Variants in KCNQ1OT1 observed in about 807,000 individuals in gnomAD.
KCNQ1OT1 encodes KCNQ1 opposite strand/antisense transcript 1.
chr11:2,675,662 C>CA (rs1282295055), exon 1 of KCNQ1OT1: 2 of 398,564 alleles, frequency 5.0e-6, no homozygotes, highest in Non-Finnish European at 8.8e-6. Context: ...GGAGCCCGCC[C>CA]AGGGCCTGCC....
exon 1 of KCNQ1OT1, chr11:2,646,135 G>T (rs975623106): frequency 6.8e-5 from 27 of 398,450 alleles, no homozygotes; most frequent in African/African-American, 5.6e-4. Flanking sequence ...TTACTTCTCA[G>T]TTGAATTCCA....
exon 1 of KCNQ1OT1, chr11:2,649,754 T>G (rs920390686): frequency 1.0e-5 from 4 of 398,500 alleles, no homozygotes; most frequent in African/African-American, 2.1e-5. Flanking sequence ...GACAGTTTGA[T>G]GAAAATGTGC....
chr11:2,662,660 ATG>A (rs901268516), exon 1 of KCNQ1OT1: 3 of 406,272 alleles, frequency 7.4e-6, no homozygotes, highest in Non-Finnish European at 1.3e-5. Flanking sequence ...CCCCTGCGAC[ATG>A]TGACTCCCCG....
At position 2,627,497 on chromosome 11, in the gene KCNQ1OT1, G is replaced by C; in HGVS notation, n.72498C>G. The C allele has an allele frequency of 2.5e-6, 1 of 398,406 alleles. No homozygotes were observed. Among genetic ancestry groups the C allele is most frequent in the Non-Finnish European group, 4.4e-6 (1 of 226,038 alleles). 24.7% of individuals were successfully genotyped at this position (398,406 alleles called of 1,614,324 possible). A position where few individuals can be genotyped will look rare whatever the true frequency, so the allele number is the denominator to read the frequency against. On this transcript the variant is annotated non_coding_transcript_exon_variant, in exon 1 of 1. Coordinates refer to ENST00000597346, the Ensembl canonical transcript of KCNQ1OT1. This position sits in a 1 kb window ranked among gnomAD's most constrained non-coding sequence, Gnocchi z 4.9. The stretch of plus-strand genomic sequence containing the variant: ...CCTAGTAACCACCCTTCTACTCTCC[G>C]TTTCTCTGAGTTCAAGCTTTTTAGA...
At position 2,674,419 on chromosome 11, in the gene KCNQ1OT1, G is replaced by GCA; in HGVS notation, n.25574_25575dup. Reference sequence around the variant, plus strand: ...TGCGTGTGTGTGTGCGCGCCCGCGCGCACACGACCACAGAGGCTGGGGGGA... The same window carrying GCA: ...TGCGTGTGTGTGTGCGCGCCCGCGCGCACACACGACCACAGAGGCTGGGGGGA... On this transcript the variant is annotated non_coding_transcript_exon_variant, in exon 1 of 1. Coordinates refer to ENST00000597346, the Ensembl canonical transcript of KCNQ1OT1. This position sits in a 1 kb window ranked among gnomAD's most constrained non-coding sequence, Gnocchi z 5.9. 1.3e-5 allele frequency: 2 copies of GCA among 159,984 alleles called. No homozygotes were observed. Among genetic ancestry groups the GCA allele is most frequent in the Non-Finnish European group, 2.7e-5 (2 of 75,312 alleles). 9.9% of individuals were successfully genotyped at this position (159,984 alleles called of 1,614,324 possible).
At position 2,678,340 on chromosome 11, in the gene KCNQ1OT1, T is replaced by C; in HGVS notation, n.21655A>G. The C allele has an allele frequency of 2.5e-6, 1 of 398,600 alleles. No homozygotes were observed. Among genetic ancestry groups the C allele is most frequent in the South Asian group, 1.3e-4 (1 of 7,866 alleles). 24.7% of individuals were successfully genotyped at this position (398,600 alleles called of 1,614,324 possible). ...TATTTCATTTTTTACATTTAAATCC[T>C]TGCTTTATCGGGATTTTGACAGAGT... On this transcript the variant is annotated non_coding_transcript_exon_variant, in exon 1 of 1. Transcript: ENST00000597346. The surrounding 1 kb of genome is among the most constrained non-coding windows in gnomAD (Gnocchi z 4.9).
In KCNQ1OT1 at chr11:2,679,321, C is replaced by G. The variant is rs1850347087; in HGVS notation, n.20674G>C. ...CTAATAACAGGGTCTGGAGTCTGAA[C>G]TCATATCCTAATTCCACTACTTTCT... On this transcript the variant is annotated non_coding_transcript_exon_variant, in exon 1 of 1. Coordinates refer to ENST00000597346, the Ensembl canonical transcript of KCNQ1OT1. This position sits in a 1 kb window ranked among gnomAD's most constrained non-coding sequence, Gnocchi z 4.8. 2 of 398,528 alleles carry G rather than the reference C, an allele frequency of 5.0e-6. No homozygotes were observed. Among genetic ancestry groups the G allele is most frequent in the Admixed American group, 8.8e-5 (2 of 22,708 alleles). The allele number at this position is 398,528 out of a possible 1,614,324, so 24.7% of individuals were successfully genotyped here. A position where few individuals can be genotyped will look rare whatever the true frequency, so the allele number is the denominator to read the frequency against.
chr11:2,670,118 C>T lies in KCNQ1OT1; in HGVS notation n.29877G>A, dbSNP rs1850154205. 5.0e-6 allele frequency: 2 copies of T among 398,694 alleles called. No homozygotes were observed. Among genetic ancestry groups the T allele is most frequent in the Admixed American group, 4.4e-5 (1 of 22,744 alleles). 24.7% of individuals were successfully genotyped at this position (398,694 alleles called of 1,614,324 possible). A position where few individuals can be genotyped will look rare whatever the true frequency, so the allele number is the denominator to read the frequency against. On this transcript the variant is annotated non_coding_transcript_exon_variant, in exon 1 of 1. Coordinates refer to ENST00000597346, the Ensembl canonical transcript of KCNQ1OT1. The surrounding 1 kb of genome is among the most constrained non-coding windows in gnomAD (Gnocchi z 4.9). ...TGTGTCTCATGGCAGTCACAGGTGC[C>T]CCAGTATGCATCTGTCATTTGTTCT...
Position 2,676,134 on chromosome 11 carries a change from T to C in KCNQ1OT1, n.23861A>G, listed in dbSNP as rs568595146. 4 of 398,662 alleles carry C rather than the reference T, an allele frequency of 1.0e-5. No individual in the cohort carries two copies. Among genetic ancestry groups the C allele is most frequent in the Non-Finnish European group, 1.8e-5 (4 of 226,060 alleles). The allele number at this position is 398,662 out of a possible 1,614,324, so 24.7% of individuals were successfully genotyped here. On this transcript the variant is annotated non_coding_transcript_exon_variant, in exon 1 of 1. Coordinates refer to ENST00000597346, the Ensembl canonical transcript of KCNQ1OT1. The surrounding 1 kb of genome is among the most constrained non-coding windows in gnomAD (Gnocchi z 4.2). Reference sequence around the variant, plus strand: ...TAGATACGGCTCCTTTTTATACAAATGGTAGCATACTGTATGTATTTTTCT... The same window carrying C: ...TAGATACGGCTCCTTTTTATACAAACGGTAGCATACTGTATGTATTTTTCT...
exon 1 of KCNQ1OT1, chr11:2,655,115 C>T (rs1315243485): frequency 1.3e-5 from 5 of 398,496 alleles, no homozygotes; most frequent in East Asian, 3.6e-5. Context: ...ATCCCCCTAT[C>T]GAGCAGGACC....
rs1269218202 is a variant in KCNQ1OT1 at position 2,663,451 on chromosome 11, G to T, written n.36544C>A. 2 of 398,672 alleles carry T rather than the reference G, an allele frequency of 5.0e-6. No individual in the cohort carries two copies. The highest frequency in any genetic ancestry group is 8.8e-6 in the Non-Finnish European group (2 of 226,196). 24.7% of individuals were successfully genotyped at this position (398,672 alleles called of 1,614,324 possible). On this transcript the variant is annotated non_coding_transcript_exon_variant, in exon 1 of 1. Transcript: ENST00000597346. The surrounding 1 kb of genome is among the most constrained non-coding windows in gnomAD (Gnocchi z 5.2). The stretch of plus-strand genomic sequence containing the variant: ...GTCCTGGATATGATGGACCTCCAAA[G>T]TGATCAGTGTTAGTTTAGTGGCTCA...
chr11:2,699,865 C>T (rs1034146134), exon 1 of KCNQ1OT1: 1 of 397,430 alleles, frequency 2.5e-6, no homozygotes, highest in Non-Finnish European at 4.4e-6. Context: ...CCGGGAGAAT[C>T]GTGCTGAGGA....
rs1273195813 is a variant in KCNQ1OT1, at chr11:2,612,860, T to C, written n.87135A>G. 7.5e-6 allele frequency: 3 copies of C among 398,632 alleles called. No homozygotes were observed. The highest frequency in any genetic ancestry group is 1.3e-5 in the Non-Finnish European group (3 of 226,062). The allele number at this position is 398,632 out of a possible 1,614,324, so 24.7% of individuals were successfully genotyped here. A position where few individuals can be genotyped will look rare whatever the true frequency, so the allele number is the denominator to read the frequency against. Reference sequence around the variant, plus strand: ...AATATATCGTAGAAACTCTGGATTCTAGTTCTTCTCCCTAACCAGGGATGA... The same window carrying C: ...AATATATCGTAGAAACTCTGGATTCCAGTTCTTCTCCCTAACCAGGGATGA... On this transcript the variant is annotated non_coding_transcript_exon_variant, in exon 1 of 1. Coordinates refer to ENST00000597346, the Ensembl canonical transcript of KCNQ1OT1. This position sits in a 1 kb window ranked among gnomAD's most constrained non-coding sequence, Gnocchi z 5.5.
chr11:2,635,959 T>C, exon 1 of KCNQ1OT1: 1 of 152,156 alleles, frequency 6.6e-6, no homozygotes, highest in Non-Finnish European at 1.5e-5. Flanking sequence ...TGAATGGGAG[T>C]TCACTCATGA....
At chr11:2,637,178 TC>T (rs746828418) in exon 1 of KCNQ1OT1, 3 of 152,180 alleles carry the variant, frequency 2.0e-5, no homozygotes, top group Non-Finnish European at 4.4e-5. Context: ...TGTCTCTATC[TC>T]CTTCAATTCT....
rs115732731 is a variant in KCNQ1OT1 at position 2,664,764 on chromosome 11, G to C, written n.35231C>G. 54 of 398,752 alleles carry C rather than the reference G, an allele frequency of 1.4e-4. No individual in the cohort carries two copies. The highest frequency in any genetic ancestry group is 1.0e-3 in the African/African-American group (51 of 48,732). The allele number at this position is 398,752 out of a possible 1,614,324, so 24.7% of individuals were successfully genotyped here. ...AGGGATGTGTGCTGGGGTCTCACAG[G>C]GGGCAGAGTGGGTGGGAGGCAGTTA... On this transcript the variant is annotated non_coding_transcript_exon_variant, in exon 1 of 1. Transcript: ENST00000597346. This position sits in a 1 kb window ranked among gnomAD's most constrained non-coding sequence, Gnocchi z 5.1.
At chr11:2,694,183 G>A (rs374710737) in exon 1 of KCNQ1OT1, 43 of 398,680 alleles carry the variant, frequency 1.1e-4, no homozygotes, top group African/African-American at 7.8e-4. Flanking sequence ...CCAGGCCTGG[G>A]CCAGGGTCTT....
At chr11:2,699,545 G>A (rs1417820855) in exon 1 of KCNQ1OT1, 2 of 333,822 alleles carry the variant, frequency 6.0e-6, no homozygotes, top group African/African-American at 2.5e-5. Flanking sequence ...GGCCCAGGGA[G>A]GACCGCGCGG....
exon 1 of KCNQ1OT1, chr11:2,662,805 G>T: frequency 2.5e-6 from 1 of 398,998 alleles, no homozygotes; most frequent in South Asian, 1.3e-4. Flanking sequence ...CAAGATCTGT[G>T]AGTGACACTC....
Sources: gnomAD v4.1 joint callset for allele counts on GRCh38, gnomAD v4.1.1 for gene constraint, Gnocchi (gnomAD v3.1) non-coding constraint, MANE v1.5 for transcripts, NCBI Gene and HGNC (gene_info 2026-07-23, HGNC 2026-07-21) for gene names.